The following ACTR2 variants were observed in gnomAD, a reference collection of about 807,000 sequenced individuals.
ACTR2 encodes actin-related protein 2.
Under a neutral mutation model 50.2 loss-of-function variants are expected in ACTR2, and 5 were observed. That is an observed-to-expected ratio of 0.10 (90% CI 0.05 to 0.21). The LOEUF (loss-of-function observed/expected upper bound fraction) is 0.21. Among genes scored for constraint, ACTR2 ranks in the 10% least tolerant of loss-of-function variants. ACTR2 has a pLI of 1.00. For synonymous variants in ACTR2, 140 were observed against 162.9 expected (o/e 0.86, Z 1.07); for missense variants, 180 against 480.6 (o/e 0.37, Z 5.85).
intron 1 of ACTR2, among the ~76,000 whole-genome samples, chr2:65,239,044 G>C (rs1182965365): frequency 6.6e-6 from 1 of 152,186 alleles, no homozygotes; most frequent in Non-Finnish European, 1.5e-5. Context: ...AATGACACTT[G>C]GTTTTCCCAT....
At chr2:65,250,577 G>A (rs1573159495) in intron 3 of ACTR2, among the ~76,000 whole-genome samples, 1 of 148,520 alleles carries the variant, frequency 6.7e-6, no homozygotes, top group East Asian at 2.0e-4. Flanking sequence ...GGAGGCTGAG[G>A]CAGGAGAATC....
At chr2:65,236,166 C>T (rs140810846) in intron 1 of ACTR2, among the ~76,000 whole-genome samples, 1 of 152,008 alleles carries the variant, frequency 6.6e-6, no homozygotes. Context: ...TGGTGAAACC[C>T]CGTCTCTACT....
chr2:65,258,651 A>C (rs1480494211), intron 6 of ACTR2, among the ~76,000 whole-genome samples: 1 of 152,156 alleles, frequency 6.6e-6, no homozygotes, highest in Non-Finnish European at 1.5e-5. Context: ...CATATACACA[A>C]GTATAAAGTA....
chr2:65,268,536 A>G (rs2104028565), intron 8 of ACTR2, 28 bp from the exon 9 acceptor site: 2 of 1,600,560 alleles, frequency 1.2e-6, no homozygotes, highest in African/African-American at 1.3e-5. Context: ...CACATGTACC[A>G]TTTCATTATC....
intron 3 of ACTR2, among the ~76,000 whole-genome samples, chr2:65,248,766 C>A (rs1671989058): frequency 6.6e-6 from 1 of 152,116 alleles, no homozygotes; most frequent in Non-Finnish European, 1.5e-5. Flanking sequence ...TGGCTCCCAG[C>A]ACTTTGGGAG....
intron 4 of ACTR2, among the ~76,000 whole-genome samples, chr2:65,251,979 C>T (rs1398740695): frequency 6.6e-6 from 1 of 150,916 alleles, no homozygotes; most frequent in Non-Finnish European, 1.5e-5. Context: ...CTGAGAATGT[C>T]TGGGCCTGTC....
At position 65,263,153 on chromosome 2, in the gene ACTR2, C is replaced by T. The variant is rs553874796; in HGVS notation, c.881+1761C>T. ...TGGAGTGATTCTCCTGCCTCAGCCT[C>T]CCAAGTAGCTGGAATTGCAGACGTG... On this transcript the variant is annotated intron_variant, in intron 7 of 8. Coordinates refer to ENST00000260641, the MANE Select transcript of ACTR2 (RefSeq NM_005722.4). Among the ~76,000 whole-genome samples, 22 of 151,518 alleles carry T rather than the reference C, an allele frequency of 1.5e-4. No individual in the cohort carries two copies. In the East Asian group the frequency reaches 4.3e-3, roughly 29 times the overall value.
rs755221090 is a variant in ACTR2 at position 65,250,988 on chromosome 2, T to C, written c.376-39T>C. 7 of 1,412,048 alleles carry C rather than the reference T, an allele frequency of 5.0e-6. No homozygotes were observed. In the Admixed American group the frequency reaches 1.4e-4, roughly 28 times the overall value. 87.5% of individuals were successfully genotyped at this position (1,412,048 alleles called of 1,614,324 possible). A position where few individuals can be genotyped will look rare whatever the true frequency, so the allele number is the denominator to read the frequency against. ...AAAACATTTATTTATTATGTAATTT[T>C]CTAAATACCAGTTTTTTTCTTTCTG... On this transcript the variant is annotated intron_variant, in intron 3 of 8. Coordinates refer to ENST00000260641, the MANE Select transcript of ACTR2 (RefSeq NM_005722.4).
chr2:65,236,693 A>T (rs751330979), intron 1 of ACTR2, among the ~76,000 whole-genome samples: 5 of 151,802 alleles, frequency 3.3e-5, no homozygotes, highest in Non-Finnish European at 7.4e-5. Flanking sequence ...TGATTCTCAT[A>T]CCTCAGCCTC....
intron 7 of ACTR2, among the ~76,000 whole-genome samples, chr2:65,262,865 C>T (rs1022873581): frequency 1.3e-5 from 2 of 151,848 alleles, no homozygotes; most frequent in Middle Eastern, 6.8e-3. Context: ...ACTCAGAAGG[C>T]TGAAGTGGGA....
In ACTR2 at chr2:65,243,235, C is replaced by T. The variant is rs111416929; in HGVS notation, c.159+3273C>T. ...CAGAGGTTGCAGTGAGCCGAGATCA[C>T]GCCACTGCATTCCAGCCTGGGCAAG... On this transcript the variant is annotated intron_variant, in intron 2 of 8. Coordinates refer to ENST00000260641, the MANE Select transcript of ACTR2 (RefSeq NM_005722.4). Among the ~76,000 whole-genome samples the T allele has an allele frequency of 9.3e-3, 1,420 of 152,076 alleles. 34 individuals carry two copies. Among genetic ancestry groups the T allele is most frequent in the African/African-American group, 0.032 (1,313 of 41,462 alleles).
At chr2:65,263,019 A>T (rs1275394570) in intron 7 of ACTR2, among the ~76,000 whole-genome samples, 10 of 151,026 alleles carry the variant, frequency 6.6e-5, no homozygotes, top group East Asian at 5.8e-4. Context: ...TATATATATA[A>T]AACATATTTT....
rs939170750 is a variant in ACTR2 at position 65,227,868 on chromosome 2, C to T, written c.-42C>T. The T allele has an allele frequency of 6.0e-6, 9 of 1,498,126 alleles. No homozygotes were observed. The highest frequency in any genetic ancestry group is 2.9e-5 in the African/African-American group (2 of 68,604). 92.8% of individuals were successfully genotyped at this position (1,498,126 alleles called of 1,614,324 possible). On this transcript the variant is annotated 5_prime_UTR_variant, in exon 1 of 9. Transcript: ENST00000260641. ...AGAGAAAACGGCCGGGCGGCGGTGG[C>T]TGTAGGTTGTGCGGCTGCAGCGGCT...
intron 6 of ACTR2, among the ~76,000 whole-genome samples, chr2:65,259,820 A>C (rs1201987210): frequency 2.6e-5 from 4 of 152,226 alleles, no homozygotes; most frequent in Non-Finnish European, 5.9e-5. Context: ...GCTAGCATAC[A>C]TGGGCGTGCT....
intron 8 of ACTR2, 113 bp from the exon 9 acceptor site, chr2:65,268,451 T>A: frequency 1.1e-6 from 1 of 912,854 alleles, no homozygotes; most frequent in Non-Finnish European, 1.6e-6. Flanking sequence ...GTTCTACTTA[T>A]ATTACAGGAC....
chr2:65,249,618 T>G (rs1041000053), intron 3 of ACTR2, among the ~76,000 whole-genome samples: 5 of 152,084 alleles, frequency 3.3e-5, no homozygotes, highest in Non-Finnish European at 7.3e-5. Flanking sequence ...TTCATTGTGG[T>G]CAGTTGTAAA....
intron 8 of ACTR2, among the ~76,000 whole-genome samples, 155 bp from the exon 9 acceptor site, chr2:65,268,409 A>T (rs1302356584): frequency 7.4e-6 from 1 of 134,876 alleles, no homozygotes; most frequent in Non-Finnish European, 1.6e-5. Flanking sequence ...CAAATTACTA[A>T]ATGTTTCTGT....
chr2:65,265,258 G>T, intron 8 of ACTR2, 83 bp downstream of exon 8: 5 of 1,498,310 alleles, frequency 3.3e-6, no homozygotes, highest in Non-Finnish European at 4.6e-6. Flanking sequence ...CCACCAGAGG[G>T]AGCAAGACGT....
At chr2:65,256,596 G>A in intron 6 of ACTR2, among the ~76,000 whole-genome samples, 1 of 152,274 alleles carries the variant, frequency 6.6e-6, no homozygotes, top group East Asian at 1.9e-4. Context: ...TGTTGGCCGG[G>A]CGCGGTGGCT....
Sources: allele counts gnomAD v4.1 joint callset (sites outside exome capture counted in the v4.1 genomes callset), GRCh38; gene constraint gnomAD v4.1.1; transcripts MANE v1.5; gene names NCBI Gene and HGNC (gene_info 2026-07-23, HGNC 2026-07-21).